DHX29: variants seen among roughly 807,000 people sequenced by gnomAD.
The protein encoded by DHX29 is ATP-dependent RNA helicase DHX29.
A neutral mutation model predicts 167.9 loss-of-function variants in DHX29; 79 were observed. That is an observed-to-expected ratio of 0.47 (90% CI 0.39 to 0.57). The LOEUF (loss-of-function observed/expected upper bound fraction) is 0.57. Ranked by LOEUF, DHX29 falls within the 20% of genes least tolerant of loss-of-function variation. The pLI is 0.00. For synonymous variants in DHX29, 530 were observed against 546.0 expected, an observed-to-expected ratio of 0.97 and a Z score of 0.41; for missense variants, 1,347 against 1,593.4, an observed-to-expected ratio of 0.85 and a Z score of 2.63.
chr5:55,276,946 A>G (rs1747144330), intron 13 of DHX29, among the ~76,000 whole-genome samples, 160 bp downstream of exon 13: 3 of 152,208 alleles, frequency 2.0e-5, no homozygotes, highest in South Asian at 2.1e-4. Flanking sequence ...CAGGCAAGGC[A>G]GTAACAGTCA....
At chr5:55,273,702 C>T (rs1746962070) in intron 16 of DHX29, among the ~76,000 whole-genome samples, 1 of 152,054 alleles carries the variant, frequency 6.6e-6, no homozygotes, top group Non-Finnish European at 1.5e-5. Context: ...TGATAAACTG[C>T]AGCTTGGTTG....
chr5:55,286,089 C>A (rs2111909113), intron 8 of DHX29, among the ~76,000 whole-genome samples: 1 of 152,064 alleles, frequency 6.6e-6, no homozygotes, highest in Non-Finnish European at 1.5e-5. Flanking sequence ...CTCGTCTCTA[C>A]TAAAAGTACA....
rs79225610 is a variant in DHX29, at chr5:55,283,544, T to C, written c.1624A>G (p.Asn542Asp). 1.7e-4 allele frequency: 278 copies of C among 1,614,204 alleles called. 1 individual carries two copies. The African/African-American group carries it at 3.2e-3, about 19-fold the overall frequency. ...DFSALSLESA[N>D]VEDLEPVRNL... Reference sequence around the variant, plus strand: ...CTAACAGGTTCCAAATCTTCCACATTTGCTGATTCCAAGGACAGTGCAGAA... The same window carrying C: ...CTAACAGGTTCCAAATCTTCCACATCTGCTGATTCCAAGGACAGTGCAGAA... The change falls in exon 11 of 27, where the codon AAT becomes GAT. Residue 542 changes from asparagine (N) to aspartate (D), a missense_variant. By Grantham distance (23) the Asn-to-Asp change is conservative. Coordinates refer to ENST00000251636, the MANE Select transcript of DHX29 (RefSeq NM_019030.4).
At chr5:55,296,776 TA>T (rs1204734287) in intron 3 of DHX29, among the ~76,000 whole-genome samples, 4 of 151,960 alleles carry the variant, frequency 2.6e-5, no homozygotes, top group African/African-American at 4.8e-5. Flanking sequence ...ACTTAGGACA[TA>T]TTTTTTTTTT....
At chr5:55,288,278 C>T (rs981735497) in intron 8 of DHX29, among the ~76,000 whole-genome samples, 4 of 151,612 alleles carry the variant, frequency 2.6e-5, no homozygotes, top group African/African-American at 9.7e-5. Context: ...AGCTATAATG[C>T]AAATTATAGT....
Position 55,269,468 on chromosome 5 carries a change from A to C in DHX29, c.3239T>G (p.Val1080Gly). The change falls in exon 21 of 27, where the codon GTC becomes GGC. Residue 1080 changes from valine to glycine, a missense_variant. Val to Gly is a moderately radical substitution (Grantham distance 109). This residue lies in a region of DHX29 where 882 missense variants were observed against 1,082.4 expected (regional missense o/e 0.81). Coordinates refer to ENST00000251636, the MANE Select transcript of DHX29 (RefSeq NM_019030.4). ...AAAAATAAGCATCTTGCCAATCTTG[A>C]CATTCACAGGTAAAGCTGCAAGGTG... The part of the protein sequence containing the change: ...GQHLAALPVN[V>G]KIGKMLIFGA... The C allele has an allele frequency of 6.2e-7, 1 of 1,613,926 alleles. No homozygotes were observed. Among genetic ancestry groups the C allele is most frequent in the Non-Finnish European group, 8.5e-7 (1 of 1,180,022 alleles).
chr5:55,277,400 T>A, intron 12 of DHX29, 118 bp from the exon 13 acceptor site: 1 of 595,168 alleles, frequency 1.7e-6, no homozygotes, highest in Non-Finnish European at 2.8e-6. Flanking sequence ...GTACAGTCAG[T>A]ACATGTGCGG....
intron 23 of DHX29, among the ~76,000 whole-genome samples, chr5:55,264,179 A>T (rs891496525): frequency 2.0e-5 from 3 of 152,058 alleles, no homozygotes; most frequent in Admixed American, 2.0e-4. Context: ...ACTTCCTTTT[A>T]AATAAGTATC....
At chr5:55,276,085 T>G (rs1579775184) in intron 14 of DHX29, among the ~76,000 whole-genome samples, 181 bp downstream of exon 14, 1 of 152,312 alleles carries the variant, frequency 6.6e-6, no homozygotes, top group East Asian at 1.9e-4. Flanking sequence ...AATCAAAGAC[T>G]ACAGTCTATG....
chr5:55,285,654 G>A, intron 9 of DHX29, 42 bp downstream of exon 9: 1 of 1,515,950 alleles, frequency 6.6e-7, no homozygotes, highest in Non-Finnish European at 8.9e-7. Flanking sequence ...TTTTTCTAAA[G>A]TTCATTCAGT....
chr5:55,300,571 G>A (rs975901915), intron 1 of DHX29, among the ~76,000 whole-genome samples: 4 of 152,148 alleles, frequency 2.6e-5, no homozygotes, highest in African/African-American at 9.7e-5. Flanking sequence ...TACTTGGGAA[G>A]CTGAGGCAGG....
rs574267930 is a variant in DHX29, at chr5:55,274,231, G to A, written c.2690+383C>T. ...CAACAGGGGGAGACCTTGTCTCTATGAAAAAAATTTTTTAAATTAGCTGGG... is the reference window on the plus strand; with the variant it reads ...CAACAGGGGGAGACCTTGTCTCTATAAAAAAAATTTTTTAAATTAGCTGGG... On this transcript the variant is annotated intron_variant, in intron 16 of 26. Transcript: ENST00000251636. Among the ~76,000 whole-genome samples the A allele has an allele frequency of 1.1e-4, 17 of 151,500 alleles. No individual in the cohort carries two copies. The East Asian group carries it at 2.2e-3, about 19-fold the overall frequency.
At chr5:55,273,221 A>AT in intron 17 of DHX29, 72 bp downstream of exon 17, 1 of 1,447,402 alleles carries the variant, frequency 6.9e-7, no homozygotes. Flanking sequence ...GTCTTTGATG[A>AT]TAAAAAGTTA....
intron 23 of DHX29, among the ~76,000 whole-genome samples, chr5:55,265,478 G>A (rs575354969): frequency 8.6e-5 from 13 of 151,828 alleles, no homozygotes; most frequent in South Asian, 2.1e-4. Context: ...AAATAATACC[G>A]CAAGGATACA....
chr5:55,270,329 ATAAGG>A (rs927338609), intron 20 of DHX29, 78 bp downstream of exon 20: 71 of 1,414,188 alleles, frequency 5.0e-5, no homozygotes, highest in Non-Finnish European at 6.3e-5. Context: ...CTAAAGCAAT[ATAAGG>A]TAAGTTTAGG....
Position 55,298,640 on chromosome 5 carries a change from G to A in DHX29, c.212C>T (p.Ser71Phe). Residue 71 changes from serine to phenylalanine, a missense_variant, in exon 2 of 27, where the codon TCT becomes TTT. By Grantham distance (155) the Ser-to-Phe change is radical. Transcript: ENST00000251636. Reference sequence around the variant, plus strand: ...TGCAGGACCACTAGAATCATTTGTAGAATTAAAACTATAAATTTTTGGACC... The same window carrying A: ...TGCAGGACCACTAGAATCATTTGTAAAATTAAAACTATAAATTTTTGGACC... ...KQGPKIYSFN[S>F]TNDSSGPANL... 1 of 1,536,638 alleles carries A rather than the reference G, an allele frequency of 6.5e-7. No individual in the cohort carries two copies. The highest frequency in any genetic ancestry group is 9.0e-7 in the Non-Finnish European group (1 of 1,111,540).
chr5:55,263,429 T>G (rs1341607507), intron 23 of DHX29, among the ~76,000 whole-genome samples: 1 of 152,194 alleles, frequency 6.6e-6, no homozygotes, highest in East Asian at 1.9e-4. Flanking sequence ...TAAAATGTTT[T>G]TCTATGTTTA....
chr5:55,286,105 A>T (rs540719335), intron 8 of DHX29, among the ~76,000 whole-genome samples: 39 of 152,078 alleles, frequency 2.6e-4, no homozygotes, highest in African/African-American at 9.4e-4. Flanking sequence ...GTACAAAAAA[A>T]TTATTCGGCG....
At chr5:55,269,781 T>C (rs1746760209) in intron 20 of DHX29, 144 bp from the exon 21 acceptor site, 1 of 641,444 alleles carries the variant, frequency 1.6e-6, no homozygotes, top group South Asian at 2.0e-5. Flanking sequence ...CTGTTATTTT[T>C]TTTATAATGG....
Sources: allele counts gnomAD v4.1 joint callset (sites outside exome capture counted in the v4.1 genomes callset), GRCh38; gene constraint gnomAD v4.1.1; regional missense constraint gnomAD v4.1.1; transcripts MANE v1.5; gene names NCBI Gene and HGNC (gene_info 2026-07-23, HGNC 2026-07-21).